Variants in TANC1 observed in about 807,000 individuals in gnomAD.
TANC1 encodes the protein protein TANC1.
In TANC1, 77 loss-of-function variants were observed where a neutral mutation model predicts 149.7. The observed-to-expected ratio is 0.51, with a 90% CI of 0.43 to 0.62. The LOEUF (loss-of-function observed/expected upper bound fraction) is 0.62. Ranked by LOEUF, TANC1 falls within the 20% of genes least tolerant of loss-of-function variation. The pLI is 0.00. For synonymous variants in TANC1, 854 were observed against 925.0 expected (o/e 0.92, Z 1.39); for missense variants, 1,985 against 2,321.8 (o/e 0.85, Z 2.98).
chr2:159,142,838 C>G (rs936183867), intron 5 of TANC1, among the ~76,000 whole-genome samples: 12 of 151,064 alleles, frequency 7.9e-5, no homozygotes, highest in African/African-American at 2.9e-4. Flanking sequence ...CCAAGGCGGG[C>G]GGATTGCCTG....
chr2:159,174,886 GT>G, intron 11 of TANC1, 66 bp from the exon 12 acceptor site: 1 of 1,255,152 alleles, frequency 8.0e-7, no homozygotes, highest in Non-Finnish European at 1.2e-6. Context: ...TTGTGTTCCT[GT>G]TTGAGATTGC....
intron 2 of TANC1, among the ~76,000 whole-genome samples, chr2:159,028,127 T>G (rs2039496756): frequency 6.6e-6 from 1 of 152,026 alleles, no homozygotes; most frequent in South Asian, 2.1e-4. Context: ...GCTAATTGCT[T>G]TTTTTTTCTT....
chr2:159,139,786 T>C (rs751359118), intron 5 of TANC1, among the ~76,000 whole-genome samples: 24 of 152,184 alleles, frequency 1.6e-4, no homozygotes, highest in Non-Finnish European at 2.4e-4. Flanking sequence ...CTAACACATA[T>C]GAAAGAGCAG....
intron 4 of TANC1, among the ~76,000 whole-genome samples, chr2:159,107,787 C>T (rs1319429755): frequency 6.6e-6 from 1 of 152,196 alleles, no homozygotes; most frequent in Admixed American, 6.5e-5. Flanking sequence ...CTGTGCCTCT[C>T]CTTTTCTCTA....
chr2:158,997,864 G>C (rs528763591), intron 1 of TANC1, among the ~76,000 whole-genome samples: 1 of 152,300 alleles, frequency 6.6e-6, no homozygotes, highest in South Asian at 2.1e-4. Flanking sequence ...TACACCTTGA[G>C]TGTGGACTGA....
intron 1 of TANC1, among the ~76,000 whole-genome samples, chr2:158,982,634 G>T (rs2034507664): frequency 6.6e-6 from 1 of 152,164 alleles, no homozygotes; most frequent in African/African-American, 2.4e-5. Context: ...TTGAGACAGG[G>T]TTTTGCTCTG....
rs186721716 is a variant in TANC1, at chr2:158,993,977, T to C, written c.-125-7103T>C. On this transcript the variant is annotated intron_variant, in intron 1 of 26. Coordinates refer to ENST00000263635, the MANE Select transcript of TANC1 (RefSeq NM_033394.3). Reference sequence around the variant, plus strand: ...GTCATTTAAAGAGTACTTAAAAATTTAAATCATTTTAATATGAAAAACCTT... The same window carrying C: ...GTCATTTAAAGAGTACTTAAAAATTCAAATCATTTTAATATGAAAAACCTT... Among the ~76,000 whole-genome samples, 390 of 152,342 alleles carry C rather than the reference T, an allele frequency of 2.6e-3. 1 individual carries two copies. Among genetic ancestry groups the C allele is most frequent in the African/African-American group, 8.6e-3 (356 of 41,570 alleles).
intron 3 of TANC1, among the ~76,000 whole-genome samples, chr2:159,090,776 G>A (rs2045445006): frequency 1.3e-5 from 2 of 152,234 alleles, no homozygotes; most frequent in African/African-American, 4.8e-5. Flanking sequence ...TGCTGCAGAA[G>A]CAGCAGGCCC....
chr2:159,198,462 C>T (rs1226726071), intron 18 of TANC1, among the ~76,000 whole-genome samples: 1 of 152,234 alleles, frequency 6.6e-6, no homozygotes, highest in Non-Finnish European at 1.5e-5. Flanking sequence ...CCCTGCAAGC[C>T]AGGCTTCCTG....
chr2:159,116,921 T>C (rs1376174971), intron 4 of TANC1, among the ~76,000 whole-genome samples: 1 of 152,144 alleles, frequency 6.6e-6, no homozygotes, highest in East Asian at 1.9e-4. Context: ...TGATAACCAG[T>C]TGGGATTTGA....
At chr2:159,083,138 T>A (rs1012313676) in intron 3 of TANC1, among the ~76,000 whole-genome samples, 1 of 152,086 alleles carries the variant, frequency 6.6e-6, no homozygotes, top group Non-Finnish European at 1.5e-5. Flanking sequence ...AGGGATGGGG[T>A]TTCACCATGT....
At chr2:159,218,887 T>G (rs977302185) in intron 20 of TANC1, among the ~76,000 whole-genome samples, 2 of 152,190 alleles carry the variant, frequency 1.3e-5, no homozygotes, top group Admixed American at 6.5e-5. Flanking sequence ...CCATGACCGC[T>G]GCTCGCCCCT....
Position 159,217,648 on chromosome 2 carries a change from G to C in TANC1, c.3378+18G>C. 1 of 1,613,252 alleles carries C rather than the reference G, an allele frequency of 6.2e-7. No individual in the cohort carries two copies. ...ATTGGCAGGTACCCAGGGGGCCCCT[G>C]AATGCTTCAGAAGCAATGAGTGGGG... On this transcript the variant is annotated intron_variant, in intron 20 of 26. Coordinates refer to ENST00000263635, the MANE Select transcript of TANC1 (RefSeq NM_033394.3).
At chr2:159,138,124 C>T (rs1236555913) in intron 5 of TANC1, among the ~76,000 whole-genome samples, 1 of 150,270 alleles carries the variant, frequency 6.7e-6, no homozygotes, top group Non-Finnish European at 1.5e-5. Flanking sequence ...CATGTGTGCT[C>T]ACTCCTGAGA....
At chr2:159,143,551 C>CAAAAAAAAAAAA (rs56992262) in intron 5 of TANC1, among the ~76,000 whole-genome samples, 2 of 67,300 alleles carry the variant, frequency 3.0e-5, no homozygotes, top group African/African-American at 6.5e-5. Context: ...GACCCCATCT[C>CAAAAAAAAAAAA]AAAAAAAAAA....
At chr2:159,179,353 A>C (rs1389410446) in intron 14 of TANC1, among the ~76,000 whole-genome samples, 190 bp downstream of exon 14, 1 of 151,990 alleles carries the variant, frequency 6.6e-6, no homozygotes, top group Non-Finnish European at 1.5e-5. Context: ...TCTATACAGA[A>C]GCTGCCTTCT....
At chr2:158,973,229 C>T (rs147058936) in intron 1 of TANC1, among the ~76,000 whole-genome samples, 186 of 152,242 alleles carry the variant, frequency 1.2e-3, no homozygotes, top group Middle Eastern at 3.4e-3. Flanking sequence ...TAGACAGATG[C>T]GAACCCATCA....
At chr2:159,014,516 T>C (rs1161574572) in intron 2 of TANC1, among the ~76,000 whole-genome samples, 1 of 152,074 alleles carries the variant, frequency 6.6e-6, no homozygotes, top group African/African-American at 2.4e-5. Flanking sequence ...CCTCCAAAGC[T>C]CATGTCCTCA....
chr2:159,136,363 G>C, intron 5 of TANC1, 65 bp downstream of exon 5: 2 of 955,026 alleles, frequency 2.1e-6, no homozygotes, highest in Non-Finnish European at 1.7e-6. Context: ...CTTCATTTCT[G>C]AATGAAACTT....
Sources: gnomAD v4.1 joint callset for allele counts (sites outside exome capture counted in the v4.1 genomes callset) on GRCh38, gnomAD v4.1.1 for gene constraint, MANE v1.5 for transcripts, NCBI Gene and HGNC (gene_info 2026-07-23, HGNC 2026-07-21) for gene names.